Variants in CPEB3 observed in about 807,000 individuals in gnomAD.
CPEB3 encodes the protein cytoplasmic polyadenylation element-binding protein 3.
Under a neutral mutation model 67.2 loss-of-function variants are expected in CPEB3, and 20 were observed. That is an observed-to-expected ratio of 0.30 (90% CI 0.21 to 0.43). The LOEUF (loss-of-function observed/expected upper bound fraction) is 0.43, where lower values mean the gene tolerates loss of function less well. Ranked by LOEUF, CPEB3 falls within the 20% of genes least tolerant of loss-of-function variation. CPEB3 has a pLI of 1.00. For synonymous variants in CPEB3, 376 were observed against 393.1 expected, an observed-to-expected ratio of 0.96 and a Z score of 0.51; for missense variants, 746 against 968.6, an observed-to-expected ratio of 0.77 and a Z score of 3.05.
intron 7 of CPEB3, among the ~76,000 whole-genome samples, chr10:92,102,446 C>T (rs979708111): frequency 6.6e-6 from 1 of 152,186 alleles, no homozygotes; most frequent in Admixed American, 6.5e-5. Flanking sequence ...TCCAAGTCCA[C>T]CCTCAGGTTT....
At chr10:92,279,569 T>C (rs866812728) in intron 1 of CPEB3, among the ~76,000 whole-genome samples, 11 of 152,298 alleles carry the variant, frequency 7.2e-5, no homozygotes, top group African/African-American at 2.6e-4. Flanking sequence ...AGATCTGCTA[T>C]TGTGAGCAGG....
intron 4 of CPEB3, among the ~76,000 whole-genome samples, chr10:92,179,273 T>A (rs1848362598): frequency 6.6e-6 from 1 of 152,096 alleles, no homozygotes; most frequent in Admixed American, 6.6e-5. Context: ...AAGCAGAGAA[T>A]TAAAGAAAAT....
At chr10:92,224,344 A>G (rs1193382934) in intron 2 of CPEB3, among the ~76,000 whole-genome samples, 1 of 152,224 alleles carries the variant, frequency 6.6e-6, no homozygotes, top group African/African-American at 2.4e-5. Context: ...AACTTAAAAA[A>G]GCCTTACAAT....
chr10:92,289,730 A>ATATATATAT (rs1213696029), intron 1 of CPEB3, among the ~76,000 whole-genome samples: 2 of 114,320 alleles, frequency 1.7e-5, no homozygotes, highest in Non-Finnish European at 3.6e-5. Flanking sequence ...AAAAAAAAAA[A>ATATATATAT]AAATATATAT....
intron 2 of CPEB3, among the ~76,000 whole-genome samples, chr10:92,233,167 T>C (rs1258757404): frequency 6.6e-6 from 1 of 152,172 alleles, no homozygotes; most frequent in East Asian, 1.9e-4. Context: ...TAGGTCATAC[T>C]ATCCTTATTC....
intron 2 of CPEB3, among the ~76,000 whole-genome samples, chr10:92,235,060 TA>T (rs1851463065): frequency 6.6e-6 from 1 of 152,150 alleles, no homozygotes; most frequent in Admixed American, 6.5e-5. Context: ...GGCCCATAGG[TA>T]AATGCTGGAT....
intron 6 of CPEB3, among the ~76,000 whole-genome samples, chr10:92,122,520 C>T (rs925484109): frequency 6.6e-6 from 1 of 152,174 alleles, no homozygotes; most frequent in African/African-American, 2.4e-5. Context: ...TTACTCAACA[C>T]TTATGTAATC....
chr10:92,116,635 T>A (rs1222621040), intron 6 of CPEB3, among the ~76,000 whole-genome samples: 1 of 152,134 alleles, frequency 6.6e-6, no homozygotes, highest in Admixed American at 6.5e-5. Flanking sequence ...ATAATATGAT[T>A]ATAAAACTCT....
intron 3 of CPEB3, among the ~76,000 whole-genome samples, chr10:92,182,079 A>C (rs1188666927): frequency 6.6e-6 from 1 of 152,234 alleles, no homozygotes; most frequent in Non-Finnish European, 1.5e-5. Flanking sequence ...TTTTGTGTAA[A>C]GCTAATATCT....
At chr10:92,284,615 C>T (rs1267285700) in intron 1 of CPEB3, among the ~76,000 whole-genome samples, 3 of 152,100 alleles carry the variant, frequency 2.0e-5, no homozygotes, top group South Asian at 2.1e-4. Flanking sequence ...CTTGGGGCCT[C>T]GGTATAACAG....
At chr10:92,154,165 A>C (rs1847098071) in intron 4 of CPEB3, among the ~76,000 whole-genome samples, 1 of 152,256 alleles carries the variant, frequency 6.6e-6, no homozygotes, top group Non-Finnish European at 1.5e-5. Context: ...TACCTGGTAG[A>C]CTAGTTTCTA....
At chr10:92,199,945 T>C (rs1849439097) in intron 2 of CPEB3, among the ~76,000 whole-genome samples, 1 of 151,862 alleles carries the variant, frequency 6.6e-6, no homozygotes, top group Admixed American at 6.6e-5. Context: ...AATGCCAACA[T>C]CTCCAATCCT....
rs773585852 is a variant in CPEB3 at position 92,143,080 on chromosome 10, C to G, written c.1402G>C (p.Val468Leu). 6.2e-7 allele frequency: 1 copy of G among 1,613,596 alleles called. No individual in the cohort carries two copies. Among genetic ancestry groups the G allele is most frequent in the Non-Finnish European group, 8.5e-7 (1 of 1,179,762 alleles). ...TASFRRFGPL[V>L]VDWPHKAESK... is the part of the protein sequence containing the mutation. ...TCAGCTTTGTGAGGCCAGTCTACTA[C>G]GAGAGGTCCAAACCTGCGAAAGCTG... Residue 468 changes from valine (V) to leucine (L), a missense_variant, in exon 6 of 10, where the codon GTA becomes CTA. Physicochemically the swap from Val to Leu is conservative, Grantham distance 32. Around this residue, in one of 2 missense-constraint regions of CPEB3, gnomAD observed 643 missense variants for 717.5 expected, o/e 0.90. Coordinates refer to ENST00000265997, the MANE Select transcript of CPEB3 (RefSeq NM_014912.5).
At chr10:92,272,699 C>T (rs1414574339) in intron 1 of CPEB3, among the ~76,000 whole-genome samples, 1 of 152,200 alleles carries the variant, frequency 6.6e-6, no homozygotes, top group Non-Finnish European at 1.5e-5. Context: ...CCCTTGCCTT[C>T]ATGAAGCTTA....
chr10:92,172,982 T>C (rs1051719619), intron 4 of CPEB3, among the ~76,000 whole-genome samples: 2 of 152,204 alleles, frequency 1.3e-5, no homozygotes, highest in African/African-American at 4.8e-5. Flanking sequence ...CTAAGACTGT[T>C]AGACTGTGCT....
At chr10:92,206,528 A>C (rs934567284) in intron 2 of CPEB3, among the ~76,000 whole-genome samples, 1 of 151,996 alleles carries the variant, frequency 6.6e-6, no homozygotes, top group African/African-American at 2.4e-5. Context: ...CGATCCTCCT[A>C]CCACATCCTC....
At chr10:92,120,040 GTC>G (rs1845264428) in intron 6 of CPEB3, among the ~76,000 whole-genome samples, 11 of 132,654 alleles carry the variant, frequency 8.3e-5, no homozygotes, top group South Asian at 2.2e-4. Context: ...GGATCACGAG[GTC>G]AGGAGATGGA....
chr10:92,074,094 ATTTTTTTTTAATTAAAAAAATGG>A (rs1314697344), intron 9 of CPEB3, among the ~76,000 whole-genome samples: 18 of 150,998 alleles, frequency 1.2e-4, no homozygotes, highest in South Asian at 2.1e-4. Context: ...CTTTTTAACT[ATTTTTTTTTAATTAAAAAAATGG>A]TTTTTTTTTA....
intron 9 of CPEB3, among the ~76,000 whole-genome samples, chr10:92,061,419 CAAA>C (rs148327302): frequency 3.2e-5 from 3 of 93,344 alleles, no homozygotes; most frequent in African/African-American, 8.0e-5. Context: ...AATTCTGTCT[CAAA>C]AAAAAAAAAA....
Sources: gnomAD v4.1 joint callset for allele counts (sites outside exome capture counted in the v4.1 genomes callset) on GRCh38, gnomAD v4.1.1 for gene constraint, gnomAD v4.1.1 regional missense constraint, MANE v1.5 for transcripts, NCBI Gene and HGNC (gene_info 2026-07-23, HGNC 2026-07-21) for gene names.